Variants in UAP1L1 observed in about 807,000 individuals in gnomAD.
UAP1L1 encodes the protein UDP-N-acetylglucosamine pyrophosphorylase 1 like 1.
Under a neutral mutation model 45.3 loss-of-function variants are expected in UAP1L1, and 45 were observed. The ratio of observed to expected loss-of-function variants is 0.99; its 90% CI spans 0.78 to 1.27. The LOEUF (loss-of-function observed/expected upper bound fraction) is 1.27, where lower values mean the gene tolerates loss of function less well. UAP1L1 is among the 50% of genes most tolerant of loss of function. The pLI, the probability that UAP1L1 is intolerant of heterozygous loss-of-function variation, is 0.00. For synonymous variants in UAP1L1, 323 were observed against 303.9 expected, an observed-to-expected ratio of 1.06 and a Z score of -0.65; for missense variants, 667 against 694.0, an observed-to-expected ratio of 0.96 and a Z score of 0.44.
In UAP1L1 at chr9:137,082,886, A is replaced by T. The variant is rs759426982; in HGVS notation, c.*157A>T. 3.2e-6 allele frequency: 2 copies of T among 618,002 alleles called. No individual in the cohort carries two copies. Among genetic ancestry groups the T allele is most frequent in the Non-Finnish European group, 5.8e-6 (2 of 346,654 alleles). 38.3% of individuals were successfully genotyped at this position (618,002 alleles called of 1,614,324 possible). ...GGAAAGCAGCCTGCCCCATGCTTCC[A>T]GCCTGCAGAACACAGAATGAAACAT... On this transcript the variant is annotated 3_prime_UTR_variant, in exon 9 of 9. Transcript: ENST00000409858. This position sits in a 1 kb window ranked among gnomAD's most constrained non-coding sequence, Gnocchi z 5.7.
At position 137,079,376 on chromosome 9, in the gene UAP1L1, G is replaced by A. The variant is rs1241666711; in HGVS notation, c.964G>A (p.Gly322Arg). ...PETAQLRASD[G>R]SLLYNAGNIC... The stretch of plus-strand genomic sequence containing the variant: ...GACCGCACAGCTACGTGCCTCCGAC[G>A]GGAGCCTGCTGTACAATGCAGGCAA... Residue 322 changes from glycine (G) to arginine (R), a missense_variant, in exon 5 of 9, where the codon GGG becomes AGG. Transcript: ENST00000409858. The A allele has an allele frequency of 6.2e-7, 1 of 1,612,602 alleles. No homozygotes were observed. The highest frequency in any genetic ancestry group is 2.2e-5 in the East Asian group (1 of 44,854).
At position 137,080,874 on chromosome 9, in the gene UAP1L1, G is replaced by C. The variant is rs771257959; in HGVS notation, c.1364G>C (p.Ser455Thr). 6.3e-7 allele frequency: 1 copy of C among 1,585,188 alleles called. No individual in the cohort carries two copies. The highest frequency in any genetic ancestry group is 8.5e-7 in the Non-Finnish European group (1 of 1,170,794). ...AHGAWLPELP[S>T]LPPNGDPPAI... ...GGGGCCTGGCTCCCAGAGCTGCCCA[G>C]GTGAGTGTGGCCCTGGGGTAGCTAC... The change falls in exon 7 of 9, where the codon AGC (serine) becomes ACC (threonine). Residue 455 changes from serine to threonine, a missense_variant and splice_region_variant. By Grantham distance (58) the Ser-to-Thr change is moderately conservative (BLOSUM62 1). Transcript: ENST00000409858.
intron 5 of UAP1L1, chr9:137,079,785 G>T: frequency 1.6e-6 from 1 of 629,026 alleles, no homozygotes; most frequent in Non-Finnish European, 2.7e-6. Flanking sequence ...CAGGGATGTG[G>T]CTGATGGTGC....
chr9:137,078,850 C>G, intron 3 of UAP1L1, 126 bp from the exon 4 acceptor site: 1 of 1,335,042 alleles, frequency 7.5e-7, no homozygotes, highest in Non-Finnish European at 1.0e-6. Context: ...ACTGGGCTGT[C>G]TGGTTAGTGA....
At chr9:137,080,294 C>T in intron 6 of UAP1L1, 152 bp downstream of exon 6, 1 of 1,007,600 alleles carries the variant, frequency 9.9e-7, no homozygotes, top group South Asian at 1.6e-5. Flanking sequence ...TGCTCTTGGC[C>T]CTGAGGGTAA....
rs375842234 is a variant in UAP1L1 at position 137,081,942 on chromosome 9, G to T, written c.1365-56G>T. On this transcript the variant is annotated intron_variant, in intron 7 of 8. Transcript: ENST00000409858. ...TCTCCTATCGGGACTGGGGGTGCTGGGGGAGGGCTCTGGGCAGGTGCTGCA... is the reference window on the plus strand; with the variant it reads ...TCTCCTATCGGGACTGGGGGTGCTGTGGGAGGGCTCTGGGCAGGTGCTGCA... 2.5e-4 allele frequency: 389 copies of T among 1,570,248 alleles called. 1 individual carries two copies. The African/African-American group carries it at 5.0e-3, about 20-fold the overall frequency.
In UAP1L1 at chr9:137,082,749, G is replaced by A; in HGVS notation, c.*20G>A. On this transcript the variant is annotated 3_prime_UTR_variant, in exon 9 of 9. Coordinates refer to ENST00000409858, the MANE Select transcript of UAP1L1 (RefSeq NM_207309.3). This position sits in a 1 kb window ranked among gnomAD's most constrained non-coding sequence, Gnocchi z 5.7. Reference sequence around the variant, plus strand: ...TCCTGACCCGCCCAGACTGTCCCCAGACTCCCCCGAGACCTGCCAGCCCCG... The same window carrying A: ...TCCTGACCCGCCCAGACTGTCCCCAAACTCCCCCGAGACCTGCCAGCCCCG... 1 of 1,537,448 alleles carries A rather than the reference G, an allele frequency of 6.5e-7. No individual in the cohort carries two copies. The highest frequency in any genetic ancestry group is 1.2e-5 in the South Asian group (1 of 83,712).
chr9:137,078,867 C>T, intron 3 of UAP1L1, 109 bp from the exon 4 acceptor site: 1 of 1,390,938 alleles, frequency 7.2e-7, no homozygotes, highest in Non-Finnish European at 9.6e-7. Context: ...GTGACCAGGG[C>T]TGCCTTAGGC....
chr9:137,082,163 C>G lies in UAP1L1; in HGVS notation c.1431+99C>G. On this transcript the variant is annotated intron_variant, in intron 8 of 8. Transcript: ENST00000409858. This position sits in a 1 kb window ranked among gnomAD's most constrained non-coding sequence, Gnocchi z 5.7. ...CTCGGGTGGAGACGGCACAGCTCTA[C>G]CTCGGTTAACCAATGGGGTCGGTGG... is the stretch of plus-strand genomic sequence containing the variant. The G allele has an allele frequency of 1.7e-6, 2 of 1,163,004 alleles. No homozygotes were observed. Among genetic ancestry groups the G allele is most frequent in the East Asian group, 4.7e-5 (2 of 42,708 alleles). The allele number at this position is 1,163,004 out of a possible 1,614,324, so 72.0% of individuals were successfully genotyped here.
chr9:137,079,535 C>T, intron 5 of UAP1L1, 86 bp downstream of exon 5: 1 of 1,355,386 alleles, frequency 7.4e-7, no homozygotes, highest in Non-Finnish European at 1.0e-6. Context: ...AGCTGAGTGC[C>T]CTGGGCCACA....
intron 7 of UAP1L1, among the ~76,000 whole-genome samples, chr9:137,081,602 C>A (rs1274415792): frequency 6.6e-6 from 1 of 152,114 alleles, no homozygotes; most frequent in Non-Finnish European, 1.5e-5. Context: ...GGGGATCCAT[C>A]ACCCAACCAA....
chr9:137,080,541 A>G (rs1832773230), intron 6 of UAP1L1, 148 bp from the exon 7 acceptor site: 1 of 789,534 alleles, frequency 1.3e-6, no homozygotes, highest in East Asian at 2.6e-5. Context: ...AGGAGCAAAA[A>G]CACTCAGTAC....
rs1414557634 is a variant in UAP1L1 at position 137,077,670 on chromosome 9, G to A, written c.138G>A (p.Leu46=). ...TGGCGCTGCTGGAGCCCGAGGCGCT[G>A]CGCGAGCACTGCCGGCGGGCGGCGG... ...AELALLEPEA[L]REHCRRAAEA... is the part of the protein sequence containing the mutation. The change falls in exon 1 of 9, where the codon CTG becomes CTA. Residue 46 remains leucine, a synonymous_variant. Transcript: ENST00000409858. The surrounding 1 kb of genome is among the most constrained non-coding windows in gnomAD (Gnocchi z 4.7). 2.5e-5 allele frequency: 30 copies of A among 1,206,216 alleles called. No homozygotes were observed. The highest frequency in any genetic ancestry group is 5.0e-5 in the South Asian group (2 of 40,248). 74.7% of individuals were successfully genotyped at this position (1,206,216 alleles called of 1,614,324 possible). A position where few individuals can be genotyped will look rare whatever the true frequency, so the allele number is the denominator to read the frequency against.
At position 137,081,200 on chromosome 9, in the gene UAP1L1, A is replaced by G. The variant is rs1049329404; in HGVS notation, c.1364+326A>G. Among the ~76,000 whole-genome samples the G allele has an allele frequency of 3.4e-4, 52 of 151,874 alleles. 1 individual carries two copies. Among genetic ancestry groups the G allele is most frequent in the African/African-American group, 1.3e-3 (52 of 41,442 alleles). Reference sequence around the variant, plus strand: ...ATTTGGCTTTTATTTATTTATTTTTATTTTTATTTACTTTTTTGAGATGGA... The same window carrying G: ...ATTTGGCTTTTATTTATTTATTTTTGTTTTTATTTACTTTTTTGAGATGGA... On this transcript the variant is annotated intron_variant, in intron 7 of 8. Transcript: ENST00000409858.
intron 6 of UAP1L1, 58 bp downstream of exon 6, chr9:137,080,200 G>C: frequency 6.3e-7 from 1 of 1,597,484 alleles, no homozygotes; most frequent in Non-Finnish European, 8.6e-7. Flanking sequence ...TTGGTGGTGG[G>C]AACTGAGGCG....
At position 137,080,787 on chromosome 9, in the gene UAP1L1, C is replaced by G; in HGVS notation, c.1277C>G (p.Ala426Gly). 1 of 1,612,532 alleles carries G rather than the reference C, an allele frequency of 6.2e-7. No homozygotes were observed. Among genetic ancestry groups the G allele is most frequent in the Non-Finnish European group, 8.5e-7 (1 of 1,179,926 alleles). The part of the protein sequence containing the change: ...DRDSPRTARQ[A>G]LLTQHYRWAL... ...GACAGTCCCCGCACCGCTCGCCAGG[C>G]CCTGCTCACCCAGCACTACCGGTGG... Residue 426 changes from alanine to glycine, a missense_variant, in exon 7 of 9, where the codon GCC becomes GGC. Transcript: ENST00000409858.
At position 137,079,120 on chromosome 9, in the gene UAP1L1, T is replaced by A. The variant is rs746782393; in HGVS notation, c.815T>A (p.Val272Glu). 2 of 1,611,630 alleles carry A rather than the reference T, an allele frequency of 1.2e-6. No homozygotes were observed. The highest frequency in any genetic ancestry group is 1.7e-5 in the Admixed American group (1 of 59,456). ...GACCCTGTCTTCATCGGCTTCTGTG[T>A]GTTGCAGGGCGCAGACTGTGGCGCC... ...LADPVFIGFCVLQGADCGAKV... is the reference protein window; with the variant it reads ...LADPVFIGFCELQGADCGAKV... The change falls in exon 4 of 9, where the codon GTG becomes GAG. Residue 272 changes from valine to glutamate, a missense_variant. Transcript: ENST00000409858.
In UAP1L1 at chr9:137,077,841, C is replaced by G; in HGVS notation, c.289+20C>G. ...AGGAAGGTAAGCGGGGTGGGAGGCC[C>G]TGGGGGCCGGCAGGGGGTCGTGCCC... On this transcript the variant is annotated intron_variant, in intron 1 of 8. Transcript: ENST00000409858. The surrounding 1 kb of genome is among the most constrained non-coding windows in gnomAD (Gnocchi z 4.7). 2 of 1,428,372 alleles carry G rather than the reference C, an allele frequency of 1.4e-6. No homozygotes were observed. Among genetic ancestry groups the G allele is most frequent in the Non-Finnish European group, 1.8e-6 (2 of 1,096,262 alleles). The allele number at this position is 1,428,372 out of a possible 1,614,324, so 88.5% of individuals were successfully genotyped here. A position where few individuals can be genotyped will look rare whatever the true frequency, so the allele number is the denominator to read the frequency against.
At position 137,077,538 on chromosome 9, in the gene UAP1L1, T is replaced by C; in HGVS notation, c.6T>C (p.Ala2=). 1.4e-6 allele frequency: 2 copies of C among 1,379,586 alleles called. No individual in the cohort carries two copies. Among genetic ancestry groups the C allele is most frequent in the Non-Finnish European group, 1.9e-6 (2 of 1,058,174 alleles). 85.5% of individuals were successfully genotyped at this position (1,379,586 alleles called of 1,614,324 possible). A position where few individuals can be genotyped will look rare whatever the true frequency, so the allele number is the denominator to read the frequency against. Reference sequence around the variant, plus strand: ...TGACAGACGGCAGCGGCGACATGGCTTCGGAGCAGGACGTGCGCGCCCGGC... The same window carrying C: ...TGACAGACGGCAGCGGCGACATGGCCTCGGAGCAGGACGTGCGCGCCCGGC... M[A]SEQDVRARLQ... The change falls in exon 1 of 9, where the codon GCT becomes GCC. Residue 2 remains alanine, a synonymous_variant. Transcript: ENST00000409858. This position sits in a 1 kb window ranked among gnomAD's most constrained non-coding sequence, Gnocchi z 4.7.
Sources: gnomAD v4.1 joint callset for allele counts (sites outside exome capture counted in the v4.1 genomes callset) on GRCh38, gnomAD v4.1.1 for gene constraint, Gnocchi (gnomAD v3.1) non-coding constraint, MANE v1.5 for transcripts, NCBI Gene and HGNC (gene_info 2026-07-23, HGNC 2026-07-21) for gene names.